Variants in PPP1R12B observed in about 807,000 individuals in gnomAD.
The protein encoded by PPP1R12B is protein phosphatase 1 regulatory subunit 12B.
In PPP1R12B, 76 loss-of-function variants were observed where a neutral mutation model predicts 126.1. The ratio of observed to expected loss-of-function variants is 0.60; its 90% CI spans 0.50 to 0.73. PPP1R12B has a LOEUF of 0.73. PPP1R12B is among the 30% of genes least tolerant of loss of function. The pLI, the probability that PPP1R12B is intolerant of heterozygous loss-of-function variation, is 0.00. For missense variants in PPP1R12B, 1,052 were observed against 1,205.1 expected, an observed-to-expected ratio of 0.87 and a Z score of 1.88; for synonymous variants, 356 against 434.7, an observed-to-expected ratio of 0.82 and a Z score of 2.25.
intron 18 of PPP1R12B, among the ~76,000 whole-genome samples, chr1:202,521,721 T>C (rs1259914260): frequency 7.2e-5 from 11 of 152,082 alleles, no homozygotes; most frequent in Admixed American, 1.3e-4. Flanking sequence ...AAAGATGACC[T>C]GAGGAGCTCT....
At chr1:202,521,914 G>A (rs577460203) in intron 18 of PPP1R12B, among the ~76,000 whole-genome samples, 8 of 152,232 alleles carry the variant, frequency 5.3e-5, no homozygotes, top group South Asian at 2.1e-4. Flanking sequence ...TAATAAAATC[G>A]TAGGAAATTA....
intron 18 of PPP1R12B, among the ~76,000 whole-genome samples, chr1:202,503,782 CT>C (rs748107838): frequency 1.6e-3 from 234 of 143,670 alleles, no homozygotes; most frequent in African/African-American, 2.0e-3. Context: ...CTTATTTTAC[CT>C]TTTTTTTTTT....
chr1:202,576,129 T>C (rs1029845678), intron 23 of PPP1R12B: 8 of 152,182 alleles, frequency 5.3e-5, no homozygotes, highest in Non-Finnish European at 8.8e-5. Flanking sequence ...GAGACCCTCA[T>C]GGAGCCAGGC....
rs915114365 is a variant in PPP1R12B at position 202,585,439 on chromosome 1, C to T, written c.*4879C>T. The T allele has an allele frequency of 4.6e-5, 7 of 152,344 alleles. No individual in the cohort carries two copies. Among genetic ancestry groups the T allele is most frequent in the African/African-American group, 1.7e-4 (7 of 41,580 alleles). The allele number at this position is 152,344 out of a possible 1,614,324, so 9.4% of individuals were successfully genotyped here. The stretch of plus-strand genomic sequence containing the variant: ...TCAGAACATCTGTATTCCAAGGCCA[C>T]CCCTTCTCCTTTTAGTCATGTGACT... On this transcript the variant is annotated 3_prime_UTR_variant, in exon 24 of 24. Transcript: ENST00000608999.
chr1:202,419,224 T>A lies in PPP1R12B; in HGVS notation c.422+2307T>A, dbSNP rs139499874. Among the ~76,000 whole-genome samples the A allele has an allele frequency of 6.6e-6, 1 of 152,310 alleles. No individual in the cohort carries two copies. The highest frequency in any genetic ancestry group is 2.4e-5 in the African/African-American group (1 of 41,572). On this transcript the variant is annotated intron_variant, in intron 2 of 23. Coordinates refer to ENST00000608999, the MANE Select transcript of PPP1R12B (RefSeq NM_002481.4). The surrounding 1 kb of genome is among the most constrained non-coding windows in gnomAD (Gnocchi z 4.6). ...AGCAGCAGATTGACCCAAACATACA[T>A]CATTTGGCTTTATAGTTTATTGAGT...
At chr1:202,432,274 C>CT (rs879702656) in intron 8 of PPP1R12B, among the ~76,000 whole-genome samples, 334 of 145,134 alleles carry the variant, frequency 2.3e-3, no homozygotes, top group East Asian at 0.012. Flanking sequence ...TATAGGGCTT[C>CT]TTTTTTTTTT....
At chr1:202,507,179 G>A (rs924389978) in intron 18 of PPP1R12B, among the ~76,000 whole-genome samples, 1 of 152,178 alleles carries the variant, frequency 6.6e-6, no homozygotes, top group Non-Finnish European at 1.5e-5. Flanking sequence ...ATCCCTGACA[G>A]CAATGCCACT....
chr1:202,380,266 A>C (rs1662023232), intron 1 of PPP1R12B, among the ~76,000 whole-genome samples: 1 of 152,070 alleles, frequency 6.6e-6, no homozygotes, highest in Admixed American at 6.5e-5. Flanking sequence ...TTCTCATGAT[A>C]CGTTGTTGCT....
intron 18 of PPP1R12B, among the ~76,000 whole-genome samples, chr1:202,510,661 CT>C (rs1186405253): frequency 6.6e-6 from 1 of 151,980 alleles, no homozygotes; most frequent in Non-Finnish European, 1.5e-5. Context: ...TTTGGGATGT[CT>C]TTTGCTCTCA....
At chr1:202,370,599 C>T (rs1205169637) in intron 1 of PPP1R12B, among the ~76,000 whole-genome samples, 2 of 151,510 alleles carry the variant, frequency 1.3e-5, no homozygotes, top group East Asian at 1.9e-4. Flanking sequence ...TGCAGTGGCA[C>T]GATCTCAGCT....
At chr1:202,567,216 C>T (rs1688130862) in intron 21 of PPP1R12B, among the ~76,000 whole-genome samples, 1 of 152,162 alleles carries the variant, frequency 6.6e-6, no homozygotes, top group African/African-American at 2.4e-5. Context: ...GAATGGACTC[C>T]TAAGAACCCC....
intron 13 of PPP1R12B, among the ~76,000 whole-genome samples, chr1:202,474,525 G>T (rs746851736): frequency 6.6e-6 from 1 of 151,890 alleles, no homozygotes; most frequent in South Asian, 2.1e-4. Flanking sequence ...TAATCTGCCC[G>T]CCTCGGCCTC....
At chr1:202,521,128 C>A (rs1470454870) in intron 18 of PPP1R12B, among the ~76,000 whole-genome samples, 1 of 152,136 alleles carries the variant, frequency 6.6e-6, no homozygotes, top group East Asian at 1.9e-4. Context: ...CAAGATAGGA[C>A]TTGGACCCAA....
intron 18 of PPP1R12B, among the ~76,000 whole-genome samples, chr1:202,548,804 C>CTA (rs1321500598): frequency 1.1e-3 from 92 of 82,260 alleles, no homozygotes; most frequent in Non-Finnish European, 1.4e-3. Flanking sequence ...CTCTCTCTCT[C>CTA]TCTCTATATA....
chr1:202,405,799 G>A (rs1002469860), intron 1 of PPP1R12B, among the ~76,000 whole-genome samples: 30 of 152,112 alleles, frequency 2.0e-4, no homozygotes, highest in African/African-American at 7.2e-4. Context: ...GCTTTCTCTC[G>A]TGTCTTCTAC....
intron 15 of PPP1R12B, 57 bp downstream of exon 15, chr1:202,493,374 A>T: frequency 6.6e-7 from 1 of 1,520,924 alleles, no homozygotes; most frequent in Non-Finnish European, 8.9e-7. Context: ...TAGTTTGGGG[A>T]GTATCTTCTT....
intron 18 of PPP1R12B, among the ~76,000 whole-genome samples, chr1:202,539,126 G>A (rs1684848604): frequency 2.0e-5 from 3 of 152,156 alleles, no homozygotes; most frequent in African/African-American, 7.2e-5. Flanking sequence ...TTTTCTGTCT[G>A]GGCGTTGTTA....
chr1:202,390,718 A>G (rs1348742172), intron 1 of PPP1R12B, among the ~76,000 whole-genome samples: 1 of 148,830 alleles, frequency 6.7e-6, no homozygotes, highest in African/African-American at 2.5e-5. Flanking sequence ...TGGTCTCAAC[A>G]TCTTGGCCTC....
rs1687939018 is a variant in PPP1R12B at position 202,565,147 on chromosome 1, C to T, written c.2757+600C>T. Among the ~76,000 whole-genome samples, 1 of 152,188 alleles carries T rather than the reference C, an allele frequency of 6.6e-6. No homozygotes were observed. Among genetic ancestry groups the T allele is most frequent in the South Asian group, 2.1e-4 (1 of 4,822 alleles). ...GGCAGAAAGACTGATAAACTATTTCCTCTCACTGCCAGGTTTGATTTAATT... is the reference window on the plus strand; with the variant it reads ...GGCAGAAAGACTGATAAACTATTTCTTCTCACTGCCAGGTTTGATTTAATT... On this transcript the variant is annotated intron_variant, in intron 21 of 23. Coordinates refer to ENST00000608999, the MANE Select transcript of PPP1R12B (RefSeq NM_002481.4). This position sits in a 1 kb window ranked among gnomAD's most constrained non-coding sequence, Gnocchi z 4.3.
Sources: allele counts gnomAD v4.1 joint callset (sites outside exome capture counted in the v4.1 genomes callset), GRCh38; gene constraint gnomAD v4.1.1; non-coding constraint Gnocchi (gnomAD v3.1); transcripts MANE v1.5; gene names NCBI Gene and HGNC (gene_info 2026-07-23, HGNC 2026-07-21).